LRRTM4: variants seen among roughly 807,000 people sequenced by gnomAD.
The protein encoded by LRRTM4 is leucine rich repeat transmembrane neuronal 4, also known as leucine-rich repeat transmembrane neuronal protein 4.
A neutral mutation model predicts 47.6 loss-of-function variants in LRRTM4; 25 were observed. The observed-to-expected ratio is 0.53, with a 90% CI of 0.38 to 0.73. The LOEUF is 0.73. Ranked by LOEUF, LRRTM4 falls within the 30% of genes least tolerant of loss-of-function variation. The pLI is 0.00. For synonymous variants in LRRTM4, 311 were observed against 269.5 expected (o/e 1.15, Z -1.51); for missense variants, 638 against 713.4 (o/e 0.89, Z 1.20).
At chr2:77,242,466 C>A (rs1675296442) in intron 3 of LRRTM4, among the ~76,000 whole-genome samples, 1 of 151,988 alleles carries the variant, frequency 6.6e-6, no homozygotes, top group Non-Finnish European at 1.5e-5. Context: ...ACTCCTACAA[C>A]TCAACCACAA....
At chr2:76,934,375 G>C (rs943305216) in intron 3 of LRRTM4, among the ~76,000 whole-genome samples, 1 of 152,118 alleles carries the variant, frequency 6.6e-6, no homozygotes, top group Non-Finnish European at 1.5e-5. Flanking sequence ...CCAGCATTTA[G>C]ATCCAGTCGT....
At chr2:77,170,454 G>T (rs796837737) in intron 3 of LRRTM4, among the ~76,000 whole-genome samples, 1 of 152,154 alleles carries the variant, frequency 6.6e-6, no homozygotes, top group South Asian at 2.1e-4. Context: ...AGAGTCCCCA[G>T]AAAGTAACAC....
intron 3 of LRRTM4, among the ~76,000 whole-genome samples, chr2:77,236,084 T>C (rs922109077): frequency 6.6e-6 from 1 of 152,096 alleles, no homozygotes; most frequent in Non-Finnish European, 1.5e-5. Flanking sequence ...ATAAGAATAG[T>C]GTTGAATCTG....
chr2:76,911,867 T>C (rs911513883), intron 3 of LRRTM4, among the ~76,000 whole-genome samples: 5 of 148,164 alleles, frequency 3.4e-5, no homozygotes, highest in Non-Finnish European at 5.9e-5. Context: ...TGTGTGTGTG[T>C]GTAGCTTGAA....
chr2:76,944,938 A>C (rs1397743159), intron 3 of LRRTM4, among the ~76,000 whole-genome samples: 1 of 152,094 alleles, frequency 6.6e-6, no homozygotes, highest in Non-Finnish European at 1.5e-5. Context: ...AAGATGACAG[A>C]GCTTCCTTGG....
intron 3 of LRRTM4, among the ~76,000 whole-genome samples, chr2:77,088,197 C>A (rs1444174374): frequency 2.6e-5 from 4 of 152,108 alleles, no homozygotes; most frequent in Non-Finnish European, 4.4e-5. Context: ...CGTGGTTAAC[C>A]CCATATACTT....
At chr2:77,020,492 ATGTGT>A (rs571537842) in intron 3 of LRRTM4, among the ~76,000 whole-genome samples, 2 of 152,164 alleles carry the variant, frequency 1.3e-5, no homozygotes, top group Non-Finnish European at 2.9e-5. Context: ...AGAATCGTAC[ATGTGT>A]TGTCCCTCTA....
intron 3 of LRRTM4, among the ~76,000 whole-genome samples, chr2:77,295,154 A>G (rs1281871915): frequency 6.6e-6 from 1 of 152,142 alleles, no homozygotes; most frequent in Non-Finnish European, 1.5e-5. Flanking sequence ...GGAAATGCAG[A>G]TATGGTCATT....
intron 3 of LRRTM4, among the ~76,000 whole-genome samples, chr2:77,133,126 A>G (rs1297950725): frequency 6.6e-6 from 1 of 152,208 alleles, no homozygotes; most frequent in Non-Finnish European, 1.5e-5. Context: ...GCCAATGGTC[A>G]TAAGAAGCAT....
intron 3 of LRRTM4, among the ~76,000 whole-genome samples, chr2:77,120,998 G>A (rs557749249): frequency 2.6e-5 from 4 of 151,874 alleles, no homozygotes; most frequent in South Asian, 4.1e-4. Flanking sequence ...GTAGATCTAC[G>A]TATCTGTGTA....
At chr2:76,876,736 A>G (rs1672790139) in intron 3 of LRRTM4, among the ~76,000 whole-genome samples, 1 of 152,006 alleles carries the variant, frequency 6.6e-6, no homozygotes, top group Admixed American at 6.6e-5. Flanking sequence ...TTAATATATC[A>G]ACAGCTTATA....
chr2:77,288,110 G>T lies in LRRTM4; in HGVS notation c.1551+230208C>A, dbSNP rs186098856. Among the ~76,000 whole-genome samples the T allele has an allele frequency of 3.4e-4, 52 of 152,054 alleles. No homozygotes were observed. In the East Asian group the frequency reaches 9.5e-3, roughly 28 times the overall value. On this transcript the variant is annotated intron_variant, in intron 3 of 3. Coordinates refer to ENST00000409884, the MANE Select transcript of LRRTM4 (RefSeq NM_001134745.3). ...ATATAAAAGCAAATATGACCCAAGA[G>T]AAATTCTAGAAGGAAAACACAGAAA...
chr2:76,772,754 C>T (rs1226306360), intron 3 of LRRTM4, among the ~76,000 whole-genome samples: 2 of 152,232 alleles, frequency 1.3e-5, no homozygotes, highest in East Asian at 1.9e-4. Flanking sequence ...GAGAAAGAGA[C>T]TGCAGTTGTA....
chr2:77,242,301 AG>A (rs1675289938), intron 3 of LRRTM4, among the ~76,000 whole-genome samples: 1 of 152,220 alleles, frequency 6.6e-6, no homozygotes, highest in South Asian at 2.1e-4. Flanking sequence ...AGGTAATAAA[AG>A]CAAAAATAAG....
chr2:76,934,689 G>A (rs1336858265), intron 3 of LRRTM4, among the ~76,000 whole-genome samples: 3 of 152,138 alleles, frequency 2.0e-5, no homozygotes, highest in African/African-American at 7.2e-5. Flanking sequence ...TTCATAAACT[G>A]GCATGAGTTG....
At chr2:77,437,947 C>A (rs1447060928) in intron 3 of LRRTM4, among the ~76,000 whole-genome samples, 2 of 152,126 alleles carry the variant, frequency 1.3e-5, no homozygotes, top group Non-Finnish European at 2.9e-5. Context: ...ACCTATCTAT[C>A]ACAAGATTAT....
intron 3 of LRRTM4, among the ~76,000 whole-genome samples, chr2:76,919,303 G>T (rs1294335223): frequency 6.6e-6 from 1 of 152,130 alleles, no homozygotes; most frequent in Non-Finnish European, 1.5e-5. Context: ...CGCATTTTTA[G>T]TATAAACTAA....
intron 3 of LRRTM4, among the ~76,000 whole-genome samples, chr2:77,205,207 A>C (rs888387410): frequency 1.3e-5 from 2 of 152,226 alleles, no homozygotes; most frequent in Non-Finnish European, 2.9e-5. Flanking sequence ...AGTGAACATG[A>C]TAAATACAGC....
At chr2:77,328,305 G>T (rs940483194) in intron 3 of LRRTM4, among the ~76,000 whole-genome samples, 3 of 152,124 alleles carry the variant, frequency 2.0e-5, no homozygotes, top group Non-Finnish European at 4.4e-5. Context: ...CCACATAAAA[G>T]CACTGCTCTG....
Sources: gnomAD v4.1 joint callset for allele counts (sites outside exome capture counted in the v4.1 genomes callset) on GRCh38, gnomAD v4.1.1 for gene constraint, MANE v1.5 for transcripts, NCBI Gene and HGNC (gene_info 2026-07-23, HGNC 2026-07-21) for gene names.